CFH: variants seen among roughly 807,000 people sequenced by gnomAD.
The protein encoded by CFH is complement factor H.
A neutral mutation model predicts 147.3 loss-of-function variants in CFH; 53 were observed. The observed-to-expected ratio is 0.36, with a 90% CI of 0.29 to 0.45. The LOEUF is 0.45. Among genes scored for constraint, CFH ranks in the 20% least tolerant of loss-of-function variants. The pLI is 1.00. For synonymous variants in CFH, 536 were observed against 489.4 expected (o/e 1.10, Z -1.26); for missense variants, 1,380 against 1,498.0 (o/e 0.92, Z 1.30).
chr1:196,742,191 A>G, intron 19 of CFH, 140 bp downstream of exon 19: 1 of 727,516 alleles, frequency 1.4e-6, no homozygotes, highest in East Asian at 2.9e-5. Flanking sequence ...CCTGGCCAAC[A>G]TGGTGAAAAC....
intron 7 of CFH, 121 bp from the exon 8 acceptor site, chr1:196,689,299 C>G: frequency 2.2e-6 from 2 of 930,172 alleles, no homozygotes; most frequent in Non-Finnish European, 3.3e-6. Context: ...CCTAGAAACC[C>G]TAATGGAATG....
chr1:196,702,506 A>G (rs987201339), intron 9 of CFH, among the ~76,000 whole-genome samples: 7 of 137,300 alleles, frequency 5.1e-5, no homozygotes, highest in Non-Finnish European at 9.2e-5. Flanking sequence ...TCTAAAGTTT[A>G]TGGAAGGAAC....
At chr1:196,742,773 C>T (rs1190936768) in intron 19 of CFH, among the ~76,000 whole-genome samples, 2 of 152,170 alleles carry the variant, frequency 1.3e-5, no homozygotes, top group African/African-American at 4.8e-5. Context: ...AGTCTATTCA[C>T]TACACATGGA....
rs550944380 is a variant in CFH, at chr1:196,707,526, T to G, written c.1337-6209T>G. ...AAAAGTCGACATCCTGGGGACCACT[T>G]AAAACACAGTGAAAGAGGCCATGCA... On this transcript the variant is annotated intron_variant, in intron 9 of 21. Transcript: ENST00000367429. Among the ~76,000 whole-genome samples the G allele has an allele frequency of 4.6e-5, 7 of 152,212 alleles. No homozygotes were observed. In the South Asian group the frequency reaches 1.5e-3, roughly 32 times the overall value.
At chr1:196,679,898 T>C in intron 6 of CFH, 105 bp downstream of exon 6, 2 of 1,043,388 alleles carry the variant, frequency 1.9e-6, no homozygotes, top group Non-Finnish European at 2.8e-6. Flanking sequence ...TGCTAATTTA[T>C]GTAAATAAAC....
At chr1:196,709,416 A>G (rs1375833844) in intron 9 of CFH, among the ~76,000 whole-genome samples, 1 of 152,076 alleles carries the variant, frequency 6.6e-6, no homozygotes, top group African/African-American at 2.4e-5. Context: ...CATTCCTCTA[A>G]TCCTGACTCT....
chr1:196,654,366 A>G (rs1019046804), intron 1 of CFH, among the ~76,000 whole-genome samples: 1 of 152,112 alleles, frequency 6.6e-6, no homozygotes, highest in African/African-American at 2.4e-5. Context: ...TGGGTACTAC[A>G]TAGAACCTTT....
intron 15 of CFH, among the ~76,000 whole-genome samples, chr1:196,731,230 A>C (rs931276792): frequency 6.6e-6 from 1 of 151,734 alleles, no homozygotes; most frequent in East Asian, 1.9e-4. Context: ...TCTTTTGTGT[A>C]TCTATTAGAT....
chr1:196,688,183 A>G (rs568969626), intron 7 of CFH, among the ~76,000 whole-genome samples: 5 of 152,184 alleles, frequency 3.3e-5, no homozygotes, highest in Non-Finnish European at 7.4e-5. Context: ...TATTGAAAGT[A>G]CTAGATAATC....
At chr1:196,710,525 A>C (rs1228234704) in intron 9 of CFH, among the ~76,000 whole-genome samples, 3 of 152,050 alleles carry the variant, frequency 2.0e-5, no homozygotes, top group Non-Finnish European at 1.5e-5. Context: ...TAAGTCTTAA[A>C]ATTTGGTAAT....
intron 9 of CFH, among the ~76,000 whole-genome samples, chr1:196,706,802 C>T (rs1327553251): frequency 6.6e-6 from 1 of 152,154 alleles, no homozygotes; most frequent in South Asian, 2.1e-4. Context: ...TGGTCCTCCA[C>T]CCCCAGTACC....
intron 19 of CFH, 80 bp from the exon 20 acceptor site, chr1:196,743,372 A>C: frequency 6.4e-7 from 1 of 1,566,922 alleles, no homozygotes; most frequent in Non-Finnish European, 8.8e-7. Context: ...TTCGTCTTGA[A>C]ATATATTTGT....
chr1:196,715,499 TA>T, intron 10 of CFH, 93 bp from the exon 11 acceptor site: 2 of 995,218 alleles, frequency 2.0e-6, no homozygotes, highest in South Asian at 1.3e-5. Context: ...TTAGTAGATC[TA>T]ATCAATAAAG....
chr1:196,691,778 T>G (rs1303894154), intron 9 of CFH, among the ~76,000 whole-genome samples: 2 of 152,010 alleles, frequency 1.3e-5, no homozygotes, highest in African/African-American at 2.4e-5. Context: ...TCAATCTTTT[T>G]TCATGATGAA....
chr1:196,730,342 T>C (rs908207463), intron 15 of CFH, among the ~76,000 whole-genome samples: 1 of 151,904 alleles, frequency 6.6e-6, no homozygotes, highest in South Asian at 2.1e-4. Flanking sequence ...GACCCTATGA[T>C]TGTTTCAGAG....
intron 15 of CFH, among the ~76,000 whole-genome samples, chr1:196,733,568 G>A (rs762157716): frequency 1.3e-5 from 2 of 152,030 alleles, no homozygotes; most frequent in Non-Finnish European, 2.9e-5. Flanking sequence ...CTGCTCTTGG[G>A]CAATGAAGCT....
chr1:196,737,669 A>T lies in CFH; in HGVS notation c.2782+9A>T. ...TCCACCTCAGTGTGAAGGTTAGGCCAATATGAATACTCAATTTCTGTTTAT... is the reference window on the plus strand; with the variant it reads ...TCCACCTCAGTGTGAAGGTTAGGCCTATATGAATACTCAATTTCTGTTTAT... On this transcript the variant is annotated intron_variant, in intron 17 of 21. Transcript: ENST00000367429. The T allele has an allele frequency of 6.2e-7, 1 of 1,609,464 alleles. No homozygotes were observed. The highest frequency in any genetic ancestry group is 1.3e-5 in the African/African-American group (1 of 74,944).
Position 196,715,743 on chromosome 1 carries a change from G to A in CFH, c.1670G>A (p.Gly557Asp). The change falls in exon 11 of 22, where the codon GGT becomes GAT. Residue 557 changes from glycine (G) to aspartate (D), a missense_variant. Transcript: ENST00000367429. The part of the protein sequence containing the change: ...TTGSIVCGYN[G>D]WSDLPICYER... ...GGTTCCATAGTGTGTGGTTACAATG[G>A]TTGGTCTGATTTACCCATATGTTAT... 6.2e-7 allele frequency: 1 copy of A among 1,612,612 alleles called. No homozygotes were observed. The highest frequency in any genetic ancestry group is 2.2e-5 in the East Asian group (1 of 44,744).
intron 1 of CFH, among the ~76,000 whole-genome samples, chr1:196,652,988 G>A (rs542554472): frequency 6.6e-6 from 1 of 151,704 alleles, no homozygotes; most frequent in African/African-American, 2.4e-5. Flanking sequence ...TAGATATTTG[G>A]TAAACATTTT....
Sources: gnomAD v4.1 joint callset for allele counts (sites outside exome capture counted in the v4.1 genomes callset) on GRCh38, gnomAD v4.1.1 for gene constraint, MANE v1.5 for transcripts, NCBI Gene and HGNC (gene_info 2026-07-23, HGNC 2026-07-21) for gene names.